The following CTNS variants were observed in gnomAD, a reference collection of about 807,000 sequenced individuals.
CTNS encodes the protein cystinosin.
CTNS carries 27 observed loss-of-function variants against 43.7 expected under a neutral mutation model. That is an observed-to-expected ratio of 0.62 (90% CI 0.46 to 0.85). The LOEUF is 0.85. CTNS is among the 40% of genes least tolerant of loss of function. The pLI, the probability that CTNS is intolerant of heterozygous loss-of-function variation, is 0.00. For missense variants in CTNS, 457 were observed against 475.4 expected, an observed-to-expected ratio of 0.96 and a Z score of 0.36; for synonymous variants, 187 against 190.6, an observed-to-expected ratio of 0.98 and a Z score of 0.16.
intron 5 of CTNS, among the ~76,000 whole-genome samples, chr17:3,649,363 G>A (rs2075919926): frequency 6.6e-6 from 1 of 151,314 alleles, no homozygotes; most frequent in Non-Finnish European, 1.5e-5. Context: ...GAGGCAGGAG[G>A]ATCACTTGAA....
chr17:3,650,487 A>T lies in CTNS; in HGVS notation c.225+1556A>T, dbSNP rs1325163932. ...TTGGAGCAAGACTCTGTCTCTAAAA[A>T]ATTAAAAATAAAAATAAAATGTTTA... On this transcript the variant is annotated intron_variant, in intron 5 of 11. Coordinates refer to ENST00000046640, the MANE Select transcript of CTNS (RefSeq NM_004937.3). 6 of 835,212 alleles carry T rather than the reference A, an allele frequency of 7.2e-6. No homozygotes were observed. The East Asian group carries it at 1.7e-4, about 23-fold the overall frequency. 51.7% of individuals were successfully genotyped at this position (835,212 alleles called of 1,614,324 possible). A position where few individuals can be genotyped will look rare whatever the true frequency, so the allele number is the denominator to read the frequency against.
At chr17:3,646,477 C>T (rs1221570816) in intron 3 of CTNS, among the ~76,000 whole-genome samples, 1 of 152,008 alleles carries the variant, frequency 6.6e-6, no homozygotes, top group African/African-American at 2.4e-5. Flanking sequence ...TTAGTAGAGA[C>T]AGGGTTTCAC....
At position 3,662,303 on chromosome 17, in the gene CTNS, C is replaced by T. The variant is rs1186045788; in HGVS notation, c.*1934C>T. Among the ~76,000 whole-genome samples, 1 of 102,682 alleles carries T rather than the reference C, an allele frequency of 9.7e-6. No homozygotes were observed. The highest frequency in any genetic ancestry group is 2.0e-5 in the Non-Finnish European group (1 of 50,178). 67.4% of individuals were successfully genotyped at this position (102,682 alleles called of 152,430 possible). ...TCCAGCCTGGGCAACAAGAACGAAA[C>T]TCCATCTCAAAAAAAAAAAAAAATT... On this transcript the variant is annotated 3_prime_UTR_variant, in exon 12 of 12. Coordinates refer to ENST00000046640, the MANE Select transcript of CTNS (RefSeq NM_004937.3).
intron 3 of CTNS, among the ~76,000 whole-genome samples, chr17:3,643,620 A>G (rs2075774086): frequency 6.6e-6 from 1 of 151,994 alleles, no homozygotes; most frequent in South Asian, 2.1e-4. Flanking sequence ...GCTGGAGTGC[A>G]ATGTGGCGTG....
chr17:3,638,978 AC>A (rs939916193), intron 2 of CTNS, among the ~76,000 whole-genome samples: 1 of 152,068 alleles, frequency 6.6e-6, no homozygotes, highest in African/African-American at 2.4e-5. Flanking sequence ...CAAAGAGAGA[AC>A]CCTGGAGGAG....
rs758407630 is a variant in CTNS, at chr17:3,660,761, C to G, written c.*392C>G. 1 of 1,613,072 alleles carries G rather than the reference C, an allele frequency of 6.2e-7. No individual in the cohort carries two copies. Among genetic ancestry groups the G allele is most frequent in the Non-Finnish European group, 8.5e-7 (1 of 1,179,940 alleles). ...CTTGCAGCCGGGTGAGCCAAGGGCA[C>G]TTTGCTGCCACCGCTGCATTCCCAG... On this transcript the variant is annotated 3_prime_UTR_variant, in exon 12 of 12. Transcript: ENST00000046640.
At chr17:3,640,325 G>T in intron 3 of CTNS, 58 bp downstream of exon 3, 1 of 1,504,562 alleles carries the variant, frequency 6.6e-7, no homozygotes, top group South Asian at 1.1e-5. Flanking sequence ...CTAGAGGAAG[G>T]AGTAATCTGA....
intron 9 of CTNS, chr17:3,657,749 GA>G (rs1010729513): frequency 5.3e-6 from 3 of 564,706 alleles, no homozygotes; most frequent in African/African-American, 3.8e-5. Flanking sequence ...CAAGCAGCCT[GA>G]ACAGGAGGCC....
At chr17:3,641,497 T>C in intron 3 of CTNS, among the ~76,000 whole-genome samples, 1 of 142,152 alleles carries the variant, frequency 7.0e-6, no homozygotes, top group East Asian at 2.2e-4. Context: ...GTTCAAGCAA[T>C]TCTCCTGCCT....
rs2075692905 is a variant in CTNS, at chr17:3,641,373, TA to T, written c.61+1107del. On this transcript the variant is annotated intron_variant, in intron 3 of 11. Transcript: ENST00000046640. The stretch of plus-strand genomic sequence containing the variant: ...AAAATCAGATACATATATATATATA[TA>T]TATATATATATTTTTTTTTTTTTTT... 1.9e-3 allele frequency among the ~76,000 whole-genome samples: 90 copies of T among 47,702 alleles called. 4 individuals carry two copies. Among genetic ancestry groups the T allele is most frequent in the African/African-American group, 4.7e-3 (40 of 8,440 alleles). The allele number at this position is 47,702 out of a possible 152,430, so 31.3% of individuals were successfully genotyped here.
rs1415400212 is a variant in CTNS at position 3,660,570 on chromosome 17, A to G, written c.*201A>G. ...GGGCCCCTCCTGGGCCTCCCCGGCC[A>G]GGCACGTGGCACCGTCGCCTTGACA... On this transcript the variant is annotated 3_prime_UTR_variant, in exon 12 of 12. Transcript: ENST00000046640. The G allele has an allele frequency of 1.2e-6, 2 of 1,613,146 alleles. No homozygotes were observed. The highest frequency in any genetic ancestry group is 1.7e-5 in the Admixed American group (1 of 60,030).
Position 3,661,542 on chromosome 17 carries a change from ACT to A in CTNS, c.*1176_*1177del, listed in dbSNP as rs397857879. ...TAAAACCTACTCGCTTCCTTTCTGC[ACT>A]CTGTGTGCTCGATACAGAAGGCAGG... On this transcript the variant is annotated 3_prime_UTR_variant, in exon 12 of 12. Coordinates refer to ENST00000046640, the MANE Select transcript of CTNS (RefSeq NM_004937.3). The A allele has an allele frequency of 0.19, 29,355 of 152,124 alleles. 3,066 individuals carry two copies. The highest frequency in any genetic ancestry group is 0.23 in the East Asian group (1,202 of 5,174). The allele number at this position is 152,124 out of a possible 1,614,324, so 9.4% of individuals were successfully genotyped here.
chr17:3,645,846 C>G (rs2075828320), intron 3 of CTNS, among the ~76,000 whole-genome samples: 1 of 142,580 alleles, frequency 7.0e-6, no homozygotes, highest in Non-Finnish European at 1.5e-5. Flanking sequence ...GGCAACAAAG[C>G]GAGACTCTGT....
At chr17:3,658,502 A>G (rs2076209529) in intron 10 of CTNS, among the ~76,000 whole-genome samples, 1 of 152,160 alleles carries the variant, frequency 6.6e-6, no homozygotes, top group Non-Finnish European at 1.5e-5. Flanking sequence ...CCATTTCCAC[A>G]GCAGGACACT....
chr17:3,642,090 C>A (rs902338240), intron 3 of CTNS, among the ~76,000 whole-genome samples: 1 of 125,870 alleles, frequency 7.9e-6, no homozygotes. Flanking sequence ...TGTGCCTGGG[C>A]GTGTGTGTGT....
rs1001856384 is a variant in CTNS, at chr17:3,662,759, G to A, written c.*2390G>A. 9 of 152,384 alleles carry A rather than the reference G, an allele frequency of 5.9e-5. No homozygotes were observed. Among genetic ancestry groups the A allele is most frequent in the Admixed American group, 3.3e-4 (5 of 15,304 alleles). The allele number at this position is 152,384 out of a possible 1,614,324, so 9.4% of individuals were successfully genotyped here. A position where few individuals can be genotyped will look rare whatever the true frequency, so the allele number is the denominator to read the frequency against. On this transcript the variant is annotated 3_prime_UTR_variant, in exon 12 of 12. Coordinates refer to ENST00000046640, the MANE Select transcript of CTNS (RefSeq NM_004937.3). ...CCACCAGCCCCGGGCTTTCAGGCAGGTGGGCCTGGGAGTAGTTGAGCTTTG... is the reference window on the plus strand; with the variant it reads ...CCACCAGCCCCGGGCTTTCAGGCAGATGGGCCTGGGAGTAGTTGAGCTTTG...
At chr17:3,654,567 G>A (rs565422416) in intron 5 of CTNS, among the ~76,000 whole-genome samples, 2 of 152,034 alleles carry the variant, frequency 1.3e-5, no homozygotes, top group African/African-American at 2.4e-5. Context: ...CCAGGTACTC[G>A]GGACTCAGGA....
chr17:3,641,495 A>G (rs1222229132), intron 3 of CTNS, among the ~76,000 whole-genome samples: 1 of 144,324 alleles, frequency 6.9e-6, no homozygotes, highest in Non-Finnish European at 1.5e-5. Flanking sequence ...GGGTTCAAGC[A>G]ATTCTCCTGC....
chr17:3,641,164 GT>G (rs1003342861), intron 3 of CTNS, among the ~76,000 whole-genome samples: 172 of 151,820 alleles, frequency 1.1e-3, no homozygotes, highest in African/African-American at 3.9e-3. Flanking sequence ...CTGGGATGGA[GT>G]TTACACGTCC....
Sources: gnomAD v4.1 joint callset for allele counts (sites outside exome capture counted in the v4.1 genomes callset) on GRCh38, gnomAD v4.1.1 for gene constraint, MANE v1.5 for transcripts, NCBI Gene and HGNC (gene_info 2026-07-23, HGNC 2026-07-21) for gene names.